The following QTGAL variants were observed in gnomAD, a reference collection of about 807,000 sequenced individuals.
QTGAL encodes queuosine-tRNA galactosyltransferase, also known as BGnT-like protein 1.
the QTGAL span, among the ~76,000 whole-genome samples, chr17:83,016,977 A>G: frequency 6.6e-6 from 1 of 152,204 alleles, no homozygotes. Context: ...CCCAGGCTAA[A>G]TGTCCTGTGG....
the QTGAL span, among the ~76,000 whole-genome samples, chr17:82,971,145 C>T: frequency 0.017 from 2,594 of 152,262 alleles, 30 homozygotes; most frequent in Non-Finnish European, 0.024. Context: ...CAACGTTTCA[C>T]GGGGACAAAC....
the QTGAL span, among the ~76,000 whole-genome samples, chr17:82,969,999 C>A: frequency 6.6e-6 from 1 of 152,120 alleles, no homozygotes; most frequent in Non-Finnish European, 1.5e-5. Context: ...AAAAAAAAGT[C>A]TTTGCTACCA....
the QTGAL span, among the ~76,000 whole-genome samples, chr17:82,993,888 C>T: frequency 6.6e-6 from 1 of 152,004 alleles, no homozygotes; most frequent in East Asian, 1.9e-4. Flanking sequence ...GGTAATTTAA[C>T]AATATGCTCC....
chr17:83,049,721 G>A, the QTGAL span, among the ~76,000 whole-genome samples: 1 of 152,168 alleles, frequency 6.6e-6, no homozygotes, highest in Non-Finnish European at 1.5e-5. Flanking sequence ...CAAATGGGAG[G>A]CCTGACGTCC....
the QTGAL span, among the ~76,000 whole-genome samples, chr17:83,036,156 G>A: frequency 6.6e-6 from 1 of 152,180 alleles, no homozygotes; most frequent in Admixed American, 6.5e-5. Context: ...TCAAAACTGG[G>A]AACTACCCAA....
chr17:83,028,474 G>A, the QTGAL span, among the ~76,000 whole-genome samples: 2 of 141,458 alleles, frequency 1.4e-5, no homozygotes, highest in East Asian at 2.1e-4. Context: ...GCAGTGAGCC[G>A]AGATTGCGCC....
the QTGAL span, among the ~76,000 whole-genome samples, chr17:83,046,296 AT>A: frequency 6.0e-5 from 9 of 149,234 alleles, no homozygotes; most frequent in Admixed American, 2.0e-4. Context: ...CACCTGGCTA[AT>A]TTTTTTTTGT....
At chr17:82,948,528 A>G in the QTGAL span, 1 of 152,296 alleles carries the variant, frequency 6.6e-6, no homozygotes, top group Non-Finnish European at 1.5e-5. Context: ...AGTCCACACC[A>G]TGCACAGCGA....
At chr17:82,991,009 C>A in the QTGAL span, among the ~76,000 whole-genome samples, 1 of 152,198 alleles carries the variant, frequency 6.6e-6, no homozygotes, top group African/African-American at 2.4e-5. Flanking sequence ...GTTTAAGCCA[C>A]CTAGCCTCTG....
the QTGAL span, among the ~76,000 whole-genome samples, chr17:83,019,483 A>G: frequency 2.6e-3 from 393 of 152,380 alleles, 4 homozygotes; most frequent in Middle Eastern, 6.8e-3. Flanking sequence ...GTCCCTTAGC[A>G]GAGCCAAAGT....
At chr17:83,035,030 C>G in the QTGAL span, 5 of 1,597,292 alleles carry the variant, frequency 3.1e-6, no homozygotes, top group Non-Finnish European at 4.3e-6. Flanking sequence ...AAGAAAGTTA[C>G]TTACCGAATC....
chr17:83,035,098 G>T, the QTGAL span: 1 of 1,611,024 alleles, frequency 6.2e-7, no homozygotes, highest in South Asian at 1.1e-5. Context: ...TAGCGTATCC[G>T]ACTGTGGAAA....
the QTGAL span, among the ~76,000 whole-genome samples, chr17:82,946,681 A>C: frequency 1.3e-5 from 2 of 152,174 alleles, no homozygotes; most frequent in East Asian, 1.9e-4. Flanking sequence ...TAATCAAAAC[A>C]GATAGAGTTC....
At chr17:83,002,838 C>T in the QTGAL span, among the ~76,000 whole-genome samples, 109 of 94,670 alleles carry the variant, frequency 1.2e-3, no homozygotes, top group Admixed American at 1.7e-3. Context: ...ATTCCTGAGC[C>T]CGCCCTCCCA....
At chr17:83,028,393 G>A in the QTGAL span, among the ~76,000 whole-genome samples, 5 of 149,702 alleles carry the variant, frequency 3.3e-5, no homozygotes, top group South Asian at 2.1e-4. Context: ...GCGAGGTGGC[G>A]GGCGCCTGTA....
the QTGAL span, among the ~76,000 whole-genome samples, chr17:82,970,528 C>T: frequency 0.11 from 14,181 of 133,870 alleles, 2,888 homozygotes; most frequent in African/African-American, 0.35. Flanking sequence ...CCCCACCCAG[C>T]GTGGCCGCGA....
chr17:82,972,407 G>C, the QTGAL span, among the ~76,000 whole-genome samples: 3 of 123,118 alleles, frequency 2.4e-5, no homozygotes, highest in Admixed American at 1.6e-4. Context: ...GGGCTAGAAG[G>C]ACCTGGTGCC....
At chr17:82,982,489 C>T in the QTGAL span, among the ~76,000 whole-genome samples, 1 of 152,106 alleles carries the variant, frequency 6.6e-6, no homozygotes, top group Non-Finnish European at 1.5e-5. Context: ...GATCCTCTTC[C>T]CTCCCGCCAC....
At chr17:83,041,075 A>ATAATAAT in the QTGAL span, among the ~76,000 whole-genome samples, 7 of 151,414 alleles carry the variant, frequency 4.6e-5, no homozygotes, top group African/African-American at 1.7e-4. Flanking sequence ...CAAAAAAAAA[A>ATAATAAT]AAAAAAAATG....
Sources: gnomAD v4.1 joint callset for allele counts (sites outside exome capture counted in the v4.1 genomes callset) on GRCh38, gnomAD v4.1.1 for gene constraint, MANE v1.5 for transcripts, NCBI Gene and HGNC (gene_info 2026-07-23, HGNC 2026-07-21) for gene names.